Variants in VSTM1 observed in about 807,000 individuals in gnomAD.
The protein encoded by VSTM1 is V-set and transmembrane domain-containing protein 1.
Under a neutral mutation model 33.1 loss-of-function variants are expected in VSTM1, and 27 were observed. The ratio of observed to expected loss-of-function variants is 0.82; its 90% CI spans 0.60 to 1.12. The LOEUF is 1.12. Ranked by LOEUF, VSTM1 falls within the 50% of genes most tolerant of loss-of-function variation. VSTM1 has a pLI of 0.00. For missense variants in VSTM1, 304 were observed against 288.9 expected (o/e 1.05, Z -0.38); for synonymous variants, 115 against 110.3 (o/e 1.04, Z -0.27).
chr19:54,045,342 A>G (rs1481342224), intron 4 of VSTM1, among the ~76,000 whole-genome samples: 3 of 152,080 alleles, frequency 2.0e-5, no homozygotes. Context: ...TGATTTATCT[A>G]TCTACCTACT....
At chr19:54,048,010 C>G (rs2070678027) in intron 4 of VSTM1, among the ~76,000 whole-genome samples, 1 of 152,196 alleles carries the variant, frequency 6.6e-6, no homozygotes, top group Admixed American at 6.6e-5. Flanking sequence ...TAAAATTCAT[C>G]TTCATTCTCT....
chr19:54,053,501 A>G (rs12971502), intron 3 of VSTM1, among the ~76,000 whole-genome samples: 11,255 of 141,662 alleles, frequency 0.079, 2,163 homozygotes, highest in East Asian at 0.14. Context: ...CTCTCTCTCA[A>G]TCTCTCTTCT....
At chr19:54,047,231 CT>C (rs2070637869) in intron 4 of VSTM1, among the ~76,000 whole-genome samples, 1 of 151,986 alleles carries the variant, frequency 6.6e-6, no homozygotes, top group African/African-American at 2.4e-5. Context: ...TAAAACGTCA[CT>C]TTCACACTAA....
intron 3 of VSTM1, among the ~76,000 whole-genome samples, chr19:54,051,738 A>T (rs1215998545): frequency 6.6e-6 from 1 of 152,070 alleles, no homozygotes; most frequent in African/African-American, 2.4e-5. Flanking sequence ...CTCTATCTTG[A>T]CAAAGAACAC....
At chr19:54,059,878 C>T (rs1473738230) in intron 1 of VSTM1, among the ~76,000 whole-genome samples, 12 of 149,082 alleles carry the variant, frequency 8.0e-5, no homozygotes, top group Non-Finnish European at 1.2e-4. Flanking sequence ...GATGGAGTCT[C>T]GCTCTGTCAC....
At chr19:54,057,578 G>A (rs2071163159) in intron 3 of VSTM1, among the ~76,000 whole-genome samples, 1 of 151,780 alleles carries the variant, frequency 6.6e-6, no homozygotes. Flanking sequence ...GGGAGGCTGA[G>A]GTGGGCAGAT....
intron 1 of VSTM1, among the ~76,000 whole-genome samples, chr19:54,060,841 C>A (rs1310122005): frequency 2.0e-5 from 3 of 151,834 alleles, no homozygotes; most frequent in Non-Finnish European, 4.4e-5. Context: ...CAGGCATGCA[C>A]CACCACGCTG....
Position 54,058,314 on chromosome 19 carries a change from A to G in VSTM1, c.347T>C (p.Val116Ala). 6.2e-7 allele frequency: 1 copy of G among 1,613,582 alleles called. No individual in the cohort carries two copies. The highest frequency in any genetic ancestry group is 1.7e-5 in the Admixed American group (1 of 59,922). ...WSESSEHLQL[V>A]VTDKHDELEA... is the part of the protein sequence containing the mutation. ...ACATCTGCCCTTCTCACCTGTGACC[A>G]CCAGCTGCAAGTGTTCACTGCTTTC... The change falls in exon 3 of 9, where the codon GTG (valine) becomes GCG (alanine). Residue 116 changes from valine (V) to alanine (A), a missense_variant. Physicochemically the swap from Val to Ala is moderately conservative, Grantham distance 64 (BLOSUM62 0). Transcript: ENST00000338372.
intron 3 of VSTM1, among the ~76,000 whole-genome samples, chr19:54,052,299 G>A (rs1024933797): frequency 1.4e-5 from 2 of 146,108 alleles, no homozygotes; most frequent in Admixed American, 6.9e-5. Flanking sequence ...TCGGGAGGCT[G>A]AGGCAGGAGA....
At chr19:54,047,906 A>G (rs1428725773) in intron 4 of VSTM1, among the ~76,000 whole-genome samples, 2 of 152,172 alleles carry the variant, frequency 1.3e-5, no homozygotes, top group African/African-American at 4.8e-5. Flanking sequence ...ATAACTTGCT[A>G]CGCTACTAAA....
At chr19:54,042,745 C>CGT (rs58125690) in intron 4 of VSTM1, among the ~76,000 whole-genome samples, 26,551 of 106,598 alleles carry the variant, frequency 0.25, 3,214 homozygotes, top group East Asian at 0.5. Context: ...TATATATATA[C>CGT]GTGTGTGTGT....
chr19:54,061,012 TTTTC>T (rs1176402844), intron 1 of VSTM1, among the ~76,000 whole-genome samples: 1,296 of 127,416 alleles, frequency 0.01, 17 homozygotes, highest in African/African-American at 0.033. Context: ...ATTCTTTTTC[TTTTC>T]TTTTTTTTTT....
chr19:54,054,498 C>T lies in VSTM1; in HGVS notation c.356-3050G>A, dbSNP rs543348098. On this transcript the variant is annotated intron_variant, in intron 3 of 8. Transcript: ENST00000338372. ...CCCAGGCTAAGTCATTGGTGTGGAC[C>T]CACGGCTACTTCTACACTACACTGA... 7.7e-5 allele frequency among the ~76,000 whole-genome samples: 11 copies of T among 142,640 alleles called. 4 individuals carry two copies. The South Asian group carries it at 2.5e-3, about 33-fold the overall frequency. The allele number at this position is 142,640 out of a possible 152,430, so 93.6% of individuals were successfully genotyped here.
intron 1 of VSTM1, 132 bp from the exon 2 acceptor site, chr19:54,058,864 T>C (rs918139492): frequency 5.1e-5 from 20 of 393,622 alleles, no homozygotes; most frequent in African/African-American, 4.0e-4. Flanking sequence ...GTATTATATA[T>C]AATAAATGTA....
chr19:54,048,615 T>A (rs944568002), intron 4 of VSTM1, among the ~76,000 whole-genome samples: 1 of 152,114 alleles, frequency 6.6e-6, no homozygotes, highest in Non-Finnish European at 1.5e-5. Context: ...GGAAAATGAT[T>A]TGGCAGTTCC....
intron 3 of VSTM1, among the ~76,000 whole-genome samples, chr19:54,057,974 C>T (rs2071183368): frequency 6.6e-6 from 1 of 151,772 alleles, no homozygotes; most frequent in Non-Finnish European, 1.5e-5. Context: ...GGCGCGGTGG[C>T]TCATGCCTGT....
At chr19:54,047,162 T>C (rs1364184384) in intron 4 of VSTM1, among the ~76,000 whole-genome samples, 1 of 151,954 alleles carries the variant, frequency 6.6e-6, no homozygotes, top group Non-Finnish European at 1.5e-5. Flanking sequence ...GCCATTGCAC[T>C]CCAGCCTGGG....
At chr19:54,042,112 G>T in intron 6 of VSTM1, 57 bp downstream of exon 6, 1 of 1,597,980 alleles carries the variant, frequency 6.3e-7, no homozygotes, top group Non-Finnish European at 8.5e-7. Context: ...TGTGCCAATG[G>T]GTTCCCTTGA....
At chr19:54,048,519 A>C (rs1373698680) in intron 4 of VSTM1, 1 of 180,198 alleles carries the variant, frequency 5.5e-6, no homozygotes, top group African/African-American at 2.4e-5. Flanking sequence ...TAATTTAAAA[A>C]AAGAAAAGTA....
Sources: allele counts gnomAD v4.1 joint callset (sites outside exome capture counted in the v4.1 genomes callset), GRCh38; gene constraint gnomAD v4.1.1; transcripts MANE v1.5; gene names NCBI Gene and HGNC (gene_info 2026-07-23, HGNC 2026-07-21).